ASCC3: variants seen among roughly 807,000 people sequenced by gnomAD.
The protein encoded by ASCC3 is ASC-1 complex subunit P200.
In ASCC3, 158 loss-of-function variants were observed where a neutral mutation model predicts 256.3. The observed-to-expected ratio is 0.62, with a 90% CI of 0.54 to 0.70. The LOEUF (loss-of-function observed/expected upper bound fraction) is 0.70, where lower values mean the gene tolerates loss of function less well. ASCC3 is among the 30% of genes least tolerant of loss of function. The pLI, the probability that ASCC3 is intolerant of heterozygous loss-of-function variation, is 0.00. For missense variants in ASCC3, 2,259 were observed against 2,626.0 expected (o/e 0.86, Z 3.05); for synonymous variants, 948 against 883.4 (o/e 1.07, Z -1.30).
At position 100,589,928 on chromosome 6, in the gene ASCC3, T is replaced by C; in HGVS notation, c.5415+20A>G. On this transcript the variant is annotated intron_variant, in intron 35 of 41. Transcript: ENST00000369162. ...AGCTGGGCAATCTTTTCAATTAGAA[T>C]GCATATGACTAAGTCATACCTCTCC... 1.3e-6 allele frequency: 2 copies of C among 1,593,850 alleles called. No homozygotes were observed. The highest frequency in any genetic ancestry group is 1.1e-5 in the South Asian group (1 of 90,590).
chr6:100,702,478 G>T (rs987229740), intron 13 of ASCC3, among the ~76,000 whole-genome samples: 43 of 152,242 alleles, frequency 2.8e-4, no homozygotes, highest in African/African-American at 9.9e-4. Flanking sequence ...AGCCACACAG[G>T]ATCATATGGA....
rs528928809 is a variant in ASCC3, at chr6:100,587,124, T to A, written c.5550+2510A>T. On this transcript the variant is annotated intron_variant, in intron 36 of 41. Transcript: ENST00000369162. The stretch of plus-strand genomic sequence containing the variant: ...TGGAAACAGATCTTTGAAACACTAA[T>A]GTTATCCCCACAGCTTTCCTCATCT... Among the ~76,000 whole-genome samples the A allele has an allele frequency of 3.0e-4, 45 of 152,288 alleles. No individual in the cohort carries two copies. In the South Asian group the frequency reaches 8.7e-3, roughly 29 times the overall value.
intron 8 of ASCC3, among the ~76,000 whole-genome samples, chr6:100,783,958 G>A (rs1299756049): frequency 1.3e-5 from 2 of 152,088 alleles, no homozygotes; most frequent in Non-Finnish European, 2.9e-5. Flanking sequence ...TTAAAGAGGG[G>A]GGAAGTAGGG....
At position 100,762,487 on chromosome 6, in the gene ASCC3, T is replaced by C. The variant is rs147161475; in HGVS notation, c.1737+4078A>G. ...GAAACCAATGGTAGATATAGAGTAA[T>C]GGAAAATAAGGTTGGAAAAGTAGAT... On this transcript the variant is annotated intron_variant, in intron 10 of 41. Coordinates refer to ENST00000369162, the MANE Select transcript of ASCC3 (RefSeq NM_006828.4). 1.6e-4 allele frequency among the ~76,000 whole-genome samples: 24 copies of C among 152,298 alleles called. 2 individuals carry two copies. Among genetic ancestry groups the C allele is most frequent in the African/African-American group, 5.8e-4 (24 of 41,554 alleles).
chr6:100,540,412 T>C, intron 36 of ASCC3, 25 bp from the exon 37 acceptor site: 1 of 1,521,852 alleles, frequency 6.6e-7, no homozygotes, highest in Non-Finnish European at 9.1e-7. Flanking sequence ...AAGCCCCACA[T>C]TGTTGGATCA....
At chr6:100,516,394 T>C (rs1365782677) in intron 38 of ASCC3, 67 bp from the exon 39 acceptor site, 2 of 1,575,034 alleles carry the variant, frequency 1.3e-6, no homozygotes, top group Non-Finnish European at 1.7e-6. Flanking sequence ...CTGACAATGG[T>C]GGTTTATATA....
intron 33 of ASCC3, among the ~76,000 whole-genome samples, chr6:100,603,860 A>G (rs953395530): frequency 3.9e-5 from 6 of 152,064 alleles, no homozygotes; most frequent in African/African-American, 1.4e-4. Context: ...GAATTTCTAC[A>G]TCTATATTAA....
At chr6:100,549,124 A>AG (rs574745320) in intron 36 of ASCC3, among the ~76,000 whole-genome samples, 1 of 151,898 alleles carries the variant, frequency 6.6e-6, no homozygotes, top group Non-Finnish European at 1.5e-5. Flanking sequence ...ACTGCAAATA[A>AG]GGGGGGACTG....
At chr6:100,686,621 T>C (rs2114976511) in intron 13 of ASCC3, among the ~76,000 whole-genome samples, 1 of 152,292 alleles carries the variant, frequency 6.6e-6, no homozygotes, top group South Asian at 2.1e-4. Context: ...TAACTAGTCC[T>C]TGTTTGATGG....
chr6:100,625,444 C>A, intron 29 of ASCC3, 110 bp from the exon 30 acceptor site: 1 of 1,297,066 alleles, frequency 7.7e-7, no homozygotes. Flanking sequence ...ACAATTTAGG[C>A]ATGAAATGTG....
chr6:100,746,511 C>A (rs1247053514), intron 10 of ASCC3, among the ~76,000 whole-genome samples: 1 of 152,130 alleles, frequency 6.6e-6, no homozygotes, highest in East Asian at 1.9e-4. Flanking sequence ...ACTTCAGATT[C>A]CTTTCACTCA....
intron 10 of ASCC3, among the ~76,000 whole-genome samples, chr6:100,764,014 G>C (rs1329421495): frequency 6.6e-6 from 1 of 152,124 alleles, no homozygotes; most frequent in Non-Finnish European, 1.5e-5. Context: ...TACCCAGTAG[G>C]GTTCTTGTGA....
intron 36 of ASCC3, among the ~76,000 whole-genome samples, chr6:100,588,950 T>G (rs1771845415): frequency 6.6e-6 from 1 of 152,056 alleles, no homozygotes; most frequent in Non-Finnish European, 1.5e-5. Context: ...TAAGAATATA[T>G]GAATATCCTA....
chr6:100,858,506 A>C, intron 3 of ASCC3: 1 of 875,340 alleles, frequency 1.1e-6, no homozygotes, highest in Non-Finnish European at 1.4e-6. Flanking sequence ...TAGTTTGCTG[A>C]GATTTTTTAT....
intron 10 of ASCC3, among the ~76,000 whole-genome samples, chr6:100,727,373 AT>A (rs1025042473): frequency 1.8e-4 from 27 of 152,160 alleles, no homozygotes; most frequent in African/African-American, 5.8e-4. Context: ...AATTTTTTGA[AT>A]TTTGAACTAA....
chr6:100,818,473 A>C (rs1473921233), intron 4 of ASCC3, among the ~76,000 whole-genome samples: 1 of 151,244 alleles, frequency 6.6e-6, no homozygotes, highest in East Asian at 1.9e-4. Context: ...AGGTTGAGGC[A>C]GGAGAACCGC....
At chr6:100,524,875 T>C (rs1434072560) in intron 37 of ASCC3, among the ~76,000 whole-genome samples, 3 of 151,952 alleles carry the variant, frequency 2.0e-5, no homozygotes, top group East Asian at 1.9e-4. Context: ...AGTGTTAGTA[T>C]AGGGATTACA....
At chr6:100,642,800 G>A (rs1775194863) in intron 23 of ASCC3, 51 bp from the exon 24 acceptor site, 2 of 1,462,388 alleles carry the variant, frequency 1.4e-6, no homozygotes, top group African/African-American at 2.8e-5. Flanking sequence ...ATAGCATAAA[G>A]GCCTTATTAG....
intron 36 of ASCC3, among the ~76,000 whole-genome samples, chr6:100,561,898 G>T (rs988606755): frequency 2.6e-5 from 4 of 152,102 alleles, no homozygotes; most frequent in Admixed American, 1.3e-4. Flanking sequence ...CTTACCAACA[G>T]AAATACTTGA....
Sources: allele counts gnomAD v4.1 joint callset (sites outside exome capture counted in the v4.1 genomes callset), GRCh38; gene constraint gnomAD v4.1.1; transcripts MANE v1.5; gene names NCBI Gene and HGNC (gene_info 2026-07-23, HGNC 2026-07-21).